MTCL1: variants seen among roughly 807,000 people sequenced by gnomAD.
The protein encoded by MTCL1 is microtubule crosslinking factor 1.
A neutral mutation model predicts 141.4 loss-of-function variants in MTCL1; 79 were observed. That is an observed-to-expected ratio of 0.56 (90% CI 0.47 to 0.67). The LOEUF (loss-of-function observed/expected upper bound fraction) is 0.67. MTCL1 is among the 30% of genes least tolerant of loss of function. The pLI is 0.00. For missense variants in MTCL1, 2,177 were observed against 2,113.9 expected, an observed-to-expected ratio of 1.03 and a Z score of -0.59; for synonymous variants, 914 against 875.8, an observed-to-expected ratio of 1.04 and a Z score of -0.77.
intron 10 of MTCL1, among the ~76,000 whole-genome samples, chr18:8,798,608 A>G (rs2076007859): frequency 6.6e-6 from 1 of 152,214 alleles, no homozygotes. Context: ...CATTGGCAAC[A>G]TCATTCGTTT....
At chr18:8,762,393 A>T (rs1462712115) in intron 4 of MTCL1, among the ~76,000 whole-genome samples, 1 of 152,260 alleles carries the variant, frequency 6.6e-6, no homozygotes, top group Non-Finnish European at 1.5e-5. Flanking sequence ...TGGGACATTT[A>T]AACTAGGGTA....
At chr18:8,774,001 G>A (rs551918451) in intron 4 of MTCL1, among the ~76,000 whole-genome samples, 3 of 152,252 alleles carry the variant, frequency 2.0e-5, no homozygotes, top group East Asian at 3.9e-4. Context: ...TCTAAATTGA[G>A]GTCAGCAAAG....
chr18:8,785,011 C>CG (rs1314656491), intron 6 of MTCL1, among the ~76,000 whole-genome samples, 168 bp downstream of exon 5: 15 of 125,912 alleles, frequency 1.2e-4, no homozygotes, highest in Non-Finnish European at 2.5e-4. Flanking sequence ...GGTTGGGCTC[C>CG]GTTTTTTTTG....
chr18:8,706,772 G>A (rs2096060176), intron 1 of MTCL1, 59 bp downstream of exon 1: 6 of 1,534,846 alleles, frequency 3.9e-6, no homozygotes, highest in Non-Finnish European at 4.4e-6. Context: ...TGGCTGCGGC[G>A]GGGACCCGCC....
At chr18:8,744,840 T>C (rs73939518) in intron 4 of MTCL1, among the ~76,000 whole-genome samples, 13,002 of 152,160 alleles carry the variant, frequency 0.085, 1,067 homozygotes, top group African/African-American at 0.2. Context: ...AACTTCTCTA[T>C]GAGAGTCCTC....
At chr18:8,831,885 G>A in exon 17 of MTCL1, 1 of 1,466,512 alleles carries the variant, frequency 6.8e-7, no homozygotes, top group East Asian at 2.5e-5. Context: ...CTGCCCAACA[G>A]GAGAGATCTA....
chr18:8,750,969 C>G lies in MTCL1; in HGVS notation c.358-26864C>G, dbSNP rs145386468. ...CGGCCTGAGTGCTGGGTAGGGTGGACAGATGCAGTGTGCACCGTGGCCAGG... is the reference window on the plus strand; with the variant it reads ...CGGCCTGAGTGCTGGGTAGGGTGGAGAGATGCAGTGTGCACCGTGGCCAGG... On this transcript the variant is annotated intron_variant, in intron 4 of 16. Transcript: ENST00000359865. 4.8e-3 allele frequency among the ~76,000 whole-genome samples: 735 copies of G among 152,168 alleles called. 5 individuals are homozygous for G. The highest frequency in any genetic ancestry group is 0.017 in the African/African-American group (702 of 41,536).
chr18:8,728,543 CTTAT>C (rs1210394020), intron 4 of MTCL1, among the ~76,000 whole-genome samples: 1 of 151,868 alleles, frequency 6.6e-6, no homozygotes, highest in Non-Finnish European at 1.5e-5. Flanking sequence ...TAGATTTATT[CTTAT>C]TTTGCTCAGC....
chr18:8,832,528 A>T (rs1282715904), exon 17 of MTCL1: 5 of 152,326 alleles, frequency 3.3e-5, no homozygotes, highest in African/African-American at 4.8e-5. Flanking sequence ...AGTCTGTTCC[A>T]CTGTAATATG....
At chr18:8,815,774 C>G (rs1306194350) in intron 12 of MTCL1, among the ~76,000 whole-genome samples, 2 of 151,926 alleles carry the variant, frequency 1.3e-5, no homozygotes, top group African/African-American at 4.8e-5. Context: ...TGAAACAGTT[C>G]GGCCAAACTG....
intron 4 of MTCL1, among the ~76,000 whole-genome samples, chr18:8,740,674 G>T (rs1428420152): frequency 6.6e-6 from 1 of 152,146 alleles, no homozygotes; most frequent in African/African-American, 2.4e-5. Context: ...GTAGAGACAG[G>T]ATTTCACCAT....
intron 12 of MTCL1, among the ~76,000 whole-genome samples, chr18:8,816,481 C>T (rs1201537806): frequency 6.6e-6 from 1 of 152,180 alleles, no homozygotes; most frequent in Non-Finnish European, 1.5e-5. Context: ...CTCTTATCAG[C>T]GTCTCTTGTC....
intron 4 of MTCL1, among the ~76,000 whole-genome samples, chr18:8,773,594 G>C (rs1006464132): frequency 1.1e-4 from 17 of 151,944 alleles, no homozygotes; most frequent in African/African-American, 3.9e-4. Context: ...TTCTCTGGAT[G>C]TTTCTGCTTT....
intron 7 of MTCL1, among the ~76,000 whole-genome samples, chr18:8,790,528 G>C (rs1483825694): frequency 1.3e-5 from 2 of 152,248 alleles, no homozygotes; most frequent in African/African-American, 4.8e-5. Flanking sequence ...AGAGAGGAGG[G>C]AAGCCCCAAG....
intron 4 of MTCL1, among the ~76,000 whole-genome samples, chr18:8,763,657 T>A (rs896890928): frequency 6.6e-6 from 1 of 152,256 alleles, no homozygotes; most frequent in African/African-American, 2.4e-5. Context: ...TATTGCTCAT[T>A]TGATTTTAAT....
chr18:8,712,812 C>T (rs1013673292), upstream of MTCL1, among the ~76,000 whole-genome samples: 4 of 152,146 alleles, frequency 2.6e-5, no homozygotes, highest in African/African-American at 9.7e-5. Flanking sequence ...TTACAAAAGA[C>T]AGTAGTTTCT....
At chr18:8,781,499 C>T (rs2096532570) in intron 5 of MTCL1, among the ~76,000 whole-genome samples, 1 of 152,128 alleles carries the variant, frequency 6.6e-6, no homozygotes, top group East Asian at 1.9e-4. Context: ...ATGTTATTCT[C>T]CTAACGTGCA....
intron 4 of MTCL1, among the ~76,000 whole-genome samples, chr18:8,774,882 C>T (rs990847239): frequency 6.6e-6 from 1 of 152,166 alleles, no homozygotes; most frequent in African/African-American, 2.4e-5. Flanking sequence ...TGTCCCATGA[C>T]TCCCTGCCTG....
chr18:8,726,037 C>T (rs1301062090), intron 4 of MTCL1, among the ~76,000 whole-genome samples: 13 of 151,794 alleles, frequency 8.6e-5, no homozygotes, highest in African/African-American at 2.4e-4. Context: ...GTGATCTGCC[C>T]GCCTCGGCCT....
Sources: gnomAD v4.1 joint callset for allele counts (sites outside exome capture counted in the v4.1 genomes callset) on GRCh38, gnomAD v4.1.1 for gene constraint, MANE v1.5 for transcripts, NCBI Gene and HGNC (gene_info 2026-07-23, HGNC 2026-07-21) for gene names.